The following OSBP2 variants were observed in gnomAD, a reference collection of about 807,000 sequenced individuals.
The protein encoded by OSBP2 is oxysterol-binding protein 2.
A neutral mutation model predicts 96.0 loss-of-function variants in OSBP2; 66 were observed. The observed-to-expected ratio is 0.69, with a 90% CI of 0.56 to 0.84. The LOEUF (loss-of-function observed/expected upper bound fraction) is 0.84. OSBP2 is among the 40% of genes least tolerant of loss of function. The probability of loss-of-function intolerance (pLI) is 0.00; values close to 1 mark genes in which losing one functional copy is unlikely to be tolerated. For synonymous variants in OSBP2, 525 were observed against 520.9 expected (o/e 1.01, Z -0.11); for missense variants, 1,038 against 1,222.7 (o/e 0.85, Z 2.25).
At chr22:30,887,747 G>A (rs1569166742) in intron 4 of OSBP2, 129 bp downstream of exon 4, 1 of 729,496 alleles carries the variant, frequency 1.4e-6, no homozygotes, top group Non-Finnish European at 2.2e-6. Context: ...GCCAACTCTT[G>A]ACTGCCTCTT....
At chr22:30,760,203 GCC>G (rs1024053223) in intron 2 of OSBP2, among the ~76,000 whole-genome samples, 1 of 144,696 alleles carries the variant, frequency 6.9e-6, no homozygotes, top group Non-Finnish European at 1.5e-5. Context: ...TTGCACTGTT[GCC>G]CAGGCTGGTC....
At chr22:30,706,537 A>G (rs2089256319) in intron 1 of OSBP2, among the ~76,000 whole-genome samples, 1 of 152,104 alleles carries the variant, frequency 6.6e-6, no homozygotes, top group Non-Finnish European at 1.5e-5. Flanking sequence ...TGCATAGGAA[A>G]CTGCCAGATT....
chr22:30,809,700 G>A (rs1055304425), intron 2 of OSBP2, among the ~76,000 whole-genome samples: 9 of 152,208 alleles, frequency 5.9e-5, no homozygotes, highest in Admixed American at 5.2e-4. Flanking sequence ...ATGACAGGGA[G>A]CAGATGGTAA....
chr22:30,887,367 C>A, intron 3 of OSBP2, 59 bp from the exon 4 acceptor site: 1 of 1,488,032 alleles, frequency 6.7e-7, no homozygotes, highest in Non-Finnish European at 9.3e-7. Context: ...TCACATGCCT[C>A]TGACAGATGG....
intron 2 of OSBP2, among the ~76,000 whole-genome samples, chr22:30,749,830 A>C (rs183402928): frequency 6.6e-6 from 1 of 151,442 alleles, no homozygotes; most frequent in African/African-American, 2.4e-5. Flanking sequence ...CTGGTCTTGA[A>C]CTCCTGGCCT....
At position 30,906,615 on chromosome 22, in the gene OSBP2, C is replaced by A. The variant is rs1009789122; in HGVS notation, c.*276C>A. On this transcript the variant is annotated 3_prime_UTR_variant, in exon 14 of 14. Coordinates refer to ENST00000332585, the MANE Select transcript of OSBP2 (RefSeq NM_030758.4). ...ACCGGAACCCCTGCCCCAGTTACCACAACTCAGGCCGGCTGGCCCGGGCCA... is the reference window on the plus strand; with the variant it reads ...ACCGGAACCCCTGCCCCAGTTACCAAAACTCAGGCCGGCTGGCCCGGGCCA... 1.8e-5 allele frequency: 6 copies of A among 329,356 alleles called. No homozygotes were observed. The highest frequency in any genetic ancestry group is 2.7e-5 in the Non-Finnish European group (5 of 183,086). 20.4% of individuals were successfully genotyped at this position (329,356 alleles called of 1,614,324 possible). A position where few individuals can be genotyped will look rare whatever the true frequency, so the allele number is the denominator to read the frequency against.
intron 2 of OSBP2, among the ~76,000 whole-genome samples, chr22:30,774,030 C>T (rs1304789938): frequency 1.3e-5 from 2 of 152,084 alleles, no homozygotes; most frequent in Non-Finnish European, 2.9e-5. Context: ...AAGATCAATG[C>T]TTAATGGTCT....
chr22:30,715,450 C>T (rs893903321), intron 1 of OSBP2, among the ~76,000 whole-genome samples: 1 of 150,694 alleles, frequency 6.6e-6, no homozygotes, highest in Admixed American at 6.6e-5. Flanking sequence ...GATCATGGCT[C>T]ACTGCAGCCC....
At chr22:30,718,051 C>A (rs1265690307) in intron 1 of OSBP2, among the ~76,000 whole-genome samples, 7 of 152,100 alleles carry the variant, frequency 4.6e-5, no homozygotes, top group Non-Finnish European at 8.8e-5. Flanking sequence ...TGGGAGTAAG[C>A]TAGGAGGTGT....
upstream of OSBP2, chr22:30,694,855 CG>C (rs1423852126): frequency 2.4e-6 from 2 of 832,862 alleles, no homozygotes; most frequent in African/African-American, 3.6e-5. Flanking sequence ...GCCCCGCCCC[CG>C]GCCTGCCCCC....
At chr22:30,818,310 C>T (rs898524653) in intron 2 of OSBP2, among the ~76,000 whole-genome samples, 5 of 152,066 alleles carry the variant, frequency 3.3e-5, no homozygotes, top group African/African-American at 1.2e-4. Context: ...GTTTATTTCC[C>T]TGACATTATC....
rs968836228 is a variant in OSBP2 at position 30,775,659 on chromosome 22, C to T, written c.853+34290C>T. Among the ~76,000 whole-genome samples the T allele has an allele frequency of 5.3e-5, 8 of 152,066 alleles. No individual in the cohort carries two copies. The South Asian group carries it at 1.0e-3, about 20-fold the overall frequency. On this transcript the variant is annotated intron_variant, in intron 2 of 13. Transcript: ENST00000332585. ...AAAATAACTCATAAATTCAAGACCA[C>T]GATCCTACCTGAAATCACAATTCTT... is the stretch of plus-strand genomic sequence containing the variant.
intron 2 of OSBP2, among the ~76,000 whole-genome samples, chr22:30,775,922 G>T (rs2090428436): frequency 6.6e-6 from 1 of 151,226 alleles, no homozygotes; most frequent in East Asian, 2.0e-4. Flanking sequence ...TCAGCCTCCC[G>T]AGTAGTGGGA....
intron 1 of OSBP2, among the ~76,000 whole-genome samples, chr22:30,725,710 T>G (rs2089638196): frequency 6.6e-6 from 1 of 152,082 alleles, no homozygotes; most frequent in Non-Finnish European, 1.5e-5. Context: ...GGAATATACT[T>G]GATAATACTT....
At chr22:30,812,124 G>C (rs1294453746) in intron 2 of OSBP2, among the ~76,000 whole-genome samples, 4 of 152,122 alleles carry the variant, frequency 2.6e-5, no homozygotes, top group South Asian at 2.1e-4. Context: ...AAAGTGCTGG[G>C]ATTACAGGCA....
At chr22:30,809,755 G>A (rs1051505915) in intron 2 of OSBP2, among the ~76,000 whole-genome samples, 1 of 152,216 alleles carries the variant, frequency 6.6e-6, no homozygotes, top group Non-Finnish European at 1.5e-5. Context: ...TGGATCTGAA[G>A]GGGTACACAT....
chr22:30,888,133 G>A, intron 4 of OSBP2, 90 bp from the exon 5 acceptor site: 1 of 844,426 alleles, frequency 1.2e-6, no homozygotes, highest in South Asian at 1.5e-5. Flanking sequence ...AGGCCAGATG[G>A]GGGTTGGGGG....
intron 2 of OSBP2, among the ~76,000 whole-genome samples, chr22:30,789,916 C>T (rs1243872836): frequency 6.6e-6 from 1 of 152,098 alleles, no homozygotes; most frequent in Non-Finnish European, 1.5e-5. Context: ...TATTTTGTGC[C>T]ATGCTCTTTG....
chr22:30,806,807 G>A (rs1241812561), intron 2 of OSBP2, among the ~76,000 whole-genome samples: 3 of 152,128 alleles, frequency 2.0e-5, no homozygotes, highest in Non-Finnish European at 4.4e-5. Flanking sequence ...TCCCCACCTA[G>A]CAGCTCCATC....
Sources: gnomAD v4.1 joint callset for allele counts (sites outside exome capture counted in the v4.1 genomes callset) on GRCh38, gnomAD v4.1.1 for gene constraint, MANE v1.5 for transcripts, NCBI Gene and HGNC (gene_info 2026-07-23, HGNC 2026-07-21) for gene names.